PCNX2: variants seen among roughly 807,000 people sequenced by gnomAD.
The protein encoded by PCNX2 is pecanex-like protein 2.
Under a neutral mutation model 223.8 loss-of-function variants are expected in PCNX2, and 168 were observed. The observed-to-expected ratio is 0.75, with a 90% CI of 0.66 to 0.85. The LOEUF is 0.85. Among genes scored for constraint, PCNX2 ranks in the 40% least tolerant of loss-of-function variants. PCNX2 has a pLI of 0.00. For missense variants in PCNX2, 2,507 were observed against 2,675.5 expected, an observed-to-expected ratio of 0.94 and a Z score of 1.39; for synonymous variants, 1,006 against 1,052.6, an observed-to-expected ratio of 0.96 and a Z score of 0.86.
At chr1:233,302,467 A>G in the PCNX2 span, among the ~76,000 whole-genome samples, 1 of 151,962 alleles carries the variant, frequency 6.6e-6, no homozygotes, top group African/African-American at 2.4e-5. Context: ...CATTTTATTT[A>G]GTCTTCTCAA....
chr1:233,089,099 A>G (rs976169343), intron 23 of PCNX2, among the ~76,000 whole-genome samples: 2 of 152,236 alleles, frequency 1.3e-5, no homozygotes, highest in African/African-American at 4.8e-5. Context: ...CGGGAGACAC[A>G]TGAAGCCAAA....
intron 8 of PCNX2, among the ~76,000 whole-genome samples, chr1:233,247,721 T>C (rs7523339): frequency 0.073 from 11,063 of 151,836 alleles, 1,000 homozygotes; most frequent in African/African-American, 0.22. Context: ...CTACTAAAAA[T>C]ACAAAAATTA....
chr1:233,138,077 T>A (rs889213619), intron 20 of PCNX2, among the ~76,000 whole-genome samples: 1 of 152,114 alleles, frequency 6.6e-6, no homozygotes, highest in African/African-American at 2.4e-5. Context: ...GCCTGAAACC[T>A]CGAAAAATGT....
intron 15 of PCNX2, among the ~76,000 whole-genome samples, chr1:233,194,228 CAAAA>C (rs1323983779): frequency 6.6e-6 from 1 of 151,850 alleles, no homozygotes; most frequent in African/African-American, 2.4e-5. Flanking sequence ...TTATACAAGA[CAAAA>C]GAAAACAGAA....
intron 13 of PCNX2, among the ~76,000 whole-genome samples, chr1:233,202,476 G>A (rs1435695926): frequency 6.6e-6 from 1 of 152,138 alleles, no homozygotes; most frequent in African/African-American, 2.4e-5. Flanking sequence ...GGTTTGAGGG[G>A]CAAGCAGTCA....
chr1:233,009,466 T>C (rs1305901212), intron 28 of PCNX2, among the ~76,000 whole-genome samples: 1 of 152,194 alleles, frequency 6.6e-6, no homozygotes, highest in African/African-American at 2.4e-5. Context: ...ATTAACAAAA[T>C]AGAAATAACT....
At chr1:233,316,071 C>A in the PCNX2 span, among the ~76,000 whole-genome samples, 7 of 152,196 alleles carry the variant, frequency 4.6e-5, no homozygotes, top group African/African-American at 1.4e-4. Flanking sequence ...TTTCTGGAAC[C>A]ACTCAGGTTT....
chr1:233,099,717 G>A (rs1273836424), intron 21 of PCNX2, among the ~76,000 whole-genome samples: 1 of 152,072 alleles, frequency 6.6e-6, no homozygotes, highest in Non-Finnish European at 1.5e-5. Flanking sequence ...AAGCACAAAA[G>A]AAAACCTAAA....
At position 233,295,452 on chromosome 1, in the gene PCNX2, G is replaced by T. The variant is rs1252631865; in HGVS notation, c.27C>A (p.Leu9=). The change falls in exon 1 of 34, where the codon CTC becomes CTA. Residue 9 remains leucine (L), a synonymous_variant. Coordinates refer to ENST00000258229, the MANE Select transcript of PCNX2 (RefSeq NM_014801.4). This position sits in a 1 kb window ranked among gnomAD's most constrained non-coding sequence, Gnocchi z 4.1. The stretch of plus-strand genomic sequence containing the variant: ...TGAGCGCGGCCCACACGCCCTGCCG[G>T]AGCAGCTGCAGCACCTGGGACACCA... The part of the protein sequence containing the change: MVSQVLQL[L]RQGVWAALTG... 6.4e-7 allele frequency: 1 copy of T among 1,550,796 alleles called. No individual in the cohort carries two copies. The highest frequency in any genetic ancestry group is 8.7e-7 in the Non-Finnish European group (1 of 1,146,964).
intron 8 of PCNX2, chr1:233,241,397 G>A (rs1051627360): frequency 2.3e-5 from 23 of 983,876 alleles, no homozygotes; most frequent in African/African-American, 7.0e-5. Context: ...CAAACCTTTC[G>A]TCCTTATGCC....
chr1:233,016,772 C>T (rs1186631657), intron 27 of PCNX2, 149 bp downstream of exon 27: 3 of 1,412,930 alleles, frequency 2.1e-6, no homozygotes, highest in Non-Finnish European at 1.9e-6. Flanking sequence ...ATTTTGCTTA[C>T]CTTCAATAAA....
chr1:232,983,734 T>C lies in PCNX2; in HGVS notation c.*570A>G, dbSNP rs1669347431. On this transcript the variant is annotated 3_prime_UTR_variant, in exon 34 of 34. Transcript: ENST00000258229. ...TTGTGAAGCTGCCACCATGTTACGCTTAACAGCTGCATAAATATTATAAAG... is the reference window on the plus strand; with the variant it reads ...TTGTGAAGCTGCCACCATGTTACGCCTAACAGCTGCATAAATATTATAAAG... The C allele has an allele frequency of 6.6e-6, 1 of 152,238 alleles. No homozygotes were observed. Among genetic ancestry groups the C allele is most frequent in the Admixed American group, 6.5e-5 (1 of 15,280 alleles). 9.4% of individuals were successfully genotyped at this position (152,238 alleles called of 1,614,324 possible).
intron 17 of PCNX2, chr1:233,167,791 T>C (rs74880657): frequency 0.019 from 18,419 of 984,500 alleles, 208 homozygotes; most frequent in Non-Finnish European, 0.02. Flanking sequence ...CAGCCTTTAA[T>C]AAGCTCTAAA....
intron 1 of PCNX2, among the ~76,000 whole-genome samples, chr1:233,264,088 A>G (rs374091282): frequency 6.6e-6 from 1 of 152,150 alleles, no homozygotes; most frequent in Non-Finnish European, 1.5e-5. Context: ...GTTCAGCTCA[A>G]TTCTATGCAA....
intron 21 of PCNX2, among the ~76,000 whole-genome samples, chr1:233,116,067 C>T (rs916835181): frequency 1.3e-5 from 2 of 151,806 alleles, no homozygotes; most frequent in Non-Finnish European, 2.9e-5. Flanking sequence ...AGCATCAATC[C>T]ACCAAGATCT....
chr1:233,161,428 G>A, intron 17 of PCNX2, 65 bp from the exon 18 acceptor site: 3 of 1,391,624 alleles, frequency 2.2e-6, no homozygotes, highest in Non-Finnish European at 3.0e-6. Flanking sequence ...GTGTAACCAG[G>A]TAAATCAAGC....
chr1:233,162,921 TG>T (rs1360135884), intron 17 of PCNX2, among the ~76,000 whole-genome samples: 1 of 151,886 alleles, frequency 6.6e-6, no homozygotes, highest in Non-Finnish European at 1.5e-5. Context: ...ACTGCTGGAG[TG>T]GGGAGGAAGG....
intron 1 of PCNX2, among the ~76,000 whole-genome samples, chr1:233,277,530 G>C (rs1238866846): frequency 6.6e-6 from 1 of 150,776 alleles, no homozygotes; most frequent in East Asian, 1.9e-4. Context: ...ACCTAAATGG[G>C]GAGATCAGAT....
At chr1:233,002,478 T>G (rs1670123455) in intron 28 of PCNX2, among the ~76,000 whole-genome samples, 1 of 152,128 alleles carries the variant, frequency 6.6e-6, no homozygotes, top group African/African-American at 2.4e-5. Context: ...CAAGGAGAAC[T>G]ACAAACCACT....
Sources: gnomAD v4.1 joint callset for allele counts (sites outside exome capture counted in the v4.1 genomes callset) on GRCh38, gnomAD v4.1.1 for gene constraint, Gnocchi (gnomAD v3.1) non-coding constraint, MANE v1.5 for transcripts, NCBI Gene and HGNC (gene_info 2026-07-23, HGNC 2026-07-21) for gene names.